Variants in GRIP1 observed in about 807,000 individuals in gnomAD.
The protein encoded by GRIP1 is glutamate receptor-interacting protein 1.
Under a neutral mutation model 129.9 loss-of-function variants are expected in GRIP1, and 45 were observed. The ratio of observed to expected loss-of-function variants is 0.35; its 90% confidence interval spans 0.27 to 0.44. The LOEUF is 0.44. GRIP1 is among the 20% of genes least tolerant of loss of function. The pLI is 1.00. For missense variants in GRIP1, 1,196 were observed against 1,396.8 expected, an observed-to-expected ratio of 0.86 and a Z score of 2.29; for synonymous variants, 530 against 520.8, an observed-to-expected ratio of 1.02 and a Z score of -0.24.
intron 2 of GRIP1, among the ~76,000 whole-genome samples, chr12:66,575,605 T>C (rs565973586): frequency 6.6e-6 from 1 of 152,338 alleles, no homozygotes; most frequent in East Asian, 1.9e-4. Flanking sequence ...CTAGAAAGAA[T>C]AGATCCTGGA....
At chr12:67,065,310 G>A (rs970107506) in intron 1 of GRIP1, 19 of 152,276 alleles carry the variant, frequency 1.2e-4, no homozygotes, top group Non-Finnish European at 2.4e-4. Flanking sequence ...CTGCACTCCA[G>A]ACTGGGTGAC....
intron 7 of GRIP1, among the ~76,000 whole-genome samples, chr12:66,489,070 G>A (rs571026228): frequency 6.6e-5 from 10 of 152,274 alleles, no homozygotes; most frequent in Non-Finnish European, 8.8e-5. Context: ...CATTTTTACT[G>A]AAAGTATTCA....
chr12:66,763,481 T>G (rs1418195010), intron 1 of GRIP1, among the ~76,000 whole-genome samples: 1 of 152,172 alleles, frequency 6.6e-6, no homozygotes, highest in Non-Finnish European at 1.5e-5. Context: ...TCCCCAGGAC[T>G]CAGCTTGACA....
intron 1 of GRIP1, among the ~76,000 whole-genome samples, chr12:66,975,786 C>T (rs547993429): frequency 1.7e-4 from 26 of 152,092 alleles, no homozygotes; most frequent in Admixed American, 1.2e-3. Flanking sequence ...GCAGAGGTGA[C>T]AAGAAGTTGC....
rs11458006 is a variant in GRIP1 at position 66,815,856 on chromosome 12, C to CTTTCTTTCTTTCTCTG, written c.59-218930_59-218929insCAGAGAAAGAAAGAAA. Among the ~76,000 whole-genome samples the CTTTCTTTCTTTCTCTG allele has an allele frequency of 2.1e-3, 285 of 134,178 alleles. 1 individual carries two copies. Among genetic ancestry groups the CTTTCTTTCTTTCTCTG allele is most frequent in the Non-Finnish European group, 3.6e-3 (226 of 63,592 alleles). 88.0% of individuals were successfully genotyped at this position (134,178 alleles called of 152,430 possible). On this transcript the variant is annotated intron_variant, in intron 1 of 1. Transcript: ENST00000643019. ...TCTTTCTTTCTTTCTTTCTTTCTTT[C>CTTTCTTTCTTTCTCTG]TCTCTCTCTCTCTCTCTCTCTCTCT...
chr12:66,452,248 A>G (rs57923140), intron 11 of GRIP1, among the ~76,000 whole-genome samples: 1 of 152,052 alleles, frequency 6.6e-6, no homozygotes, highest in Non-Finnish European at 1.5e-5. Context: ...TTTGGCAGAA[A>G]AAGAGGCAGC....
At chr12:66,662,270 C>T (rs942242560) in intron 1 of GRIP1, among the ~76,000 whole-genome samples, 1 of 152,066 alleles carries the variant, frequency 6.6e-6, no homozygotes, top group East Asian at 1.9e-4. Flanking sequence ...CAGTTCATTG[C>T]CTGCTGTAGT....
At chr12:66,368,290 G>A (rs913372376) in intron 23 of GRIP1, among the ~76,000 whole-genome samples, 12 of 152,136 alleles carry the variant, frequency 7.9e-5, no homozygotes, top group South Asian at 4.1e-4. Context: ...TTGTCCATTC[G>A]TTCATATTAT....
intron 1 of GRIP1, among the ~76,000 whole-genome samples, chr12:66,835,179 T>C (rs2039591225): frequency 6.6e-6 from 1 of 152,046 alleles, no homozygotes; most frequent in African/African-American, 2.4e-5. Flanking sequence ...AAACAACAGA[T>C]ACTTCAACAA....
chr12:66,763,822 C>T (rs1592820991), intron 1 of GRIP1, among the ~76,000 whole-genome samples: 1 of 152,206 alleles, frequency 6.6e-6, no homozygotes, highest in East Asian at 1.9e-4. Flanking sequence ...CTGCTATCTG[C>T]TAAGCATGTA....
chr12:66,626,684 G>A (rs2030095748), intron 1 of GRIP1: 1 of 152,782 alleles, frequency 6.5e-6, no homozygotes, highest in Non-Finnish European at 1.5e-5. Flanking sequence ...AGCTGGGGAA[G>A]GTGAGAAGGC....
intron 1 of GRIP1, among the ~76,000 whole-genome samples, chr12:66,929,518 T>C (rs2041352249): frequency 6.6e-6 from 1 of 152,160 alleles, no homozygotes; most frequent in South Asian, 2.1e-4. Context: ...AAACCAAAAT[T>C]GGAGGTTCAC....
chr12:67,020,539 C>T (rs1479194175), intron 1 of GRIP1, among the ~76,000 whole-genome samples: 15 of 152,030 alleles, frequency 9.9e-5, no homozygotes, highest in Non-Finnish European at 2.2e-4. Context: ...TCCTGAGCAG[C>T]TGGGACTAAA....
intron 1 of GRIP1, among the ~76,000 whole-genome samples, chr12:66,829,979 C>G (rs1285314435): frequency 5.9e-5 from 9 of 152,148 alleles, no homozygotes; most frequent in Non-Finnish European, 4.4e-5. Flanking sequence ...AAAGGGATAC[C>G]TGGGTCTATT....
intron 2 of GRIP1, among the ~76,000 whole-genome samples, chr12:66,565,624 T>C (rs1487109136): frequency 2.0e-5 from 3 of 152,210 alleles, no homozygotes; most frequent in Non-Finnish European, 4.4e-5. Context: ...TTTGGTTCCA[T>C]ATGAACTTTA....
intron 19 of GRIP1, among the ~76,000 whole-genome samples, chr12:66,386,746 G>C (rs1160174964): frequency 2.0e-5 from 3 of 152,248 alleles, no homozygotes; most frequent in Non-Finnish European, 2.9e-5. Flanking sequence ...ACAGGAAAGA[G>C]AGCCAGTTAA....
intron 1 of GRIP1, among the ~76,000 whole-genome samples, chr12:66,943,538 T>G (rs2041620897): frequency 6.6e-6 from 1 of 152,250 alleles, no homozygotes; most frequent in Admixed American, 6.5e-5. Flanking sequence ...CTCTTTTCTG[T>G]GAAATTGCTT....
intron 2 of GRIP1, among the ~76,000 whole-genome samples, chr12:66,553,018 C>A (rs2062194369): frequency 6.6e-6 from 1 of 152,164 alleles, no homozygotes; most frequent in South Asian, 2.1e-4. Context: ...ACAGCTCTCA[C>A]ACCCTGTATT....
At chr12:66,731,059 TACA>T (rs113085274) in intron 1 of GRIP1, among the ~76,000 whole-genome samples, 12,533 of 152,230 alleles carry the variant, frequency 0.082, 593 homozygotes, top group Middle Eastern at 0.12. Flanking sequence ...TTTGGAGTCA[TACA>T]GCCCATGAAG....
Sources: allele counts gnomAD v4.1 joint callset (sites outside exome capture counted in the v4.1 genomes callset), GRCh38; gene constraint gnomAD v4.1.1; transcripts MANE v1.5; gene names NCBI Gene and HGNC (gene_info 2026-07-23, HGNC 2026-07-21).